C8orf34: variants seen among roughly 807,000 people sequenced by gnomAD.
C8orf34 encodes chromosome 8 open reading frame 34.
Under a neutral mutation model 68.3 loss-of-function variants are expected in C8orf34, and 65 were observed. The observed-to-expected ratio is 0.95, with a 90% CI of 0.78 to 1.17. The LOEUF is 1.17. C8orf34 is among the 50% of genes most tolerant of loss of function. The pLI, the probability that C8orf34 is intolerant of heterozygous loss-of-function variation, is 0.00. For missense variants in C8orf34, 664 were observed against 655.4 expected, an observed-to-expected ratio of 1.01 and a Z score of -0.14; for synonymous variants, 244 against 241.2, an observed-to-expected ratio of 1.01 and a Z score of -0.11.
At chr8:68,571,364 T>C (rs142529044) in intron 7 of C8orf34, among the ~76,000 whole-genome samples, 15 of 152,332 alleles carry the variant, frequency 9.8e-5, no homozygotes, top group African/African-American at 3.4e-4. Flanking sequence ...GAGAACTTTG[T>C]AGTCAAGGCA....
chr8:68,560,411 G>A (rs1267573144), intron 7 of C8orf34, among the ~76,000 whole-genome samples: 2 of 152,078 alleles, frequency 1.3e-5, no homozygotes, highest in African/African-American at 4.8e-5. Flanking sequence ...TCTAAAACCA[G>A]GACTTAAATT....
chr8:68,389,498 T>A (rs1008669485), intron 1 of C8orf34, among the ~76,000 whole-genome samples: 3 of 152,176 alleles, frequency 2.0e-5, no homozygotes, highest in African/African-American at 7.2e-5. Context: ...GGCATTGCGA[T>A]GATTACTTAT....
At chr8:68,803,857 C>T (rs1824404554) in intron 12 of C8orf34, among the ~76,000 whole-genome samples, 1 of 151,706 alleles carries the variant, frequency 6.6e-6, no homozygotes, top group Non-Finnish European at 1.5e-5. Context: ...TACTTTTTTG[C>T]ATATTACATT....
intron 10 of C8orf34, among the ~76,000 whole-genome samples, chr8:68,734,707 G>A (rs1263585822): frequency 6.6e-6 from 1 of 152,080 alleles, no homozygotes; most frequent in Non-Finnish European, 1.5e-5. Context: ...CCCTCCTTCT[G>A]CTTCCAGCCT....
intron 7 of C8orf34, among the ~76,000 whole-genome samples, chr8:68,637,600 T>G (rs992089816): frequency 6.6e-6 from 1 of 152,190 alleles, no homozygotes; most frequent in Admixed American, 6.5e-5. Context: ...GTTCATTAGT[T>G]GGGTTACACA....
chr8:68,522,092 T>C, intron 6 of C8orf34, 121 bp downstream of exon 6: 4 of 839,748 alleles, frequency 4.8e-6, no homozygotes, highest in Non-Finnish European at 5.4e-6. Flanking sequence ...AAAATTATGT[T>C]AGTCTATACA....
chr8:68,777,444 T>C (rs941738580), intron 11 of C8orf34, among the ~76,000 whole-genome samples: 4 of 152,252 alleles, frequency 2.6e-5, no homozygotes, highest in African/African-American at 4.8e-5. Context: ...TAAATGTACA[T>C]GTTGTACACA....
intron 7 of C8orf34, among the ~76,000 whole-genome samples, chr8:68,576,858 A>G (rs1188038421): frequency 6.6e-6 from 1 of 152,082 alleles, no homozygotes; most frequent in Admixed American, 6.6e-5. Context: ...GAATTTATTA[A>G]TATAAAATAG....
chr8:68,416,645 C>T (rs1354097696), intron 1 of C8orf34, among the ~76,000 whole-genome samples: 1 of 152,054 alleles, frequency 6.6e-6, no homozygotes, highest in Non-Finnish European at 1.5e-5. Flanking sequence ...GATTCTTCTG[C>T]TTCAGCCTCT....
At chr8:68,341,959 A>C (rs1330948381) in intron 1 of C8orf34, among the ~76,000 whole-genome samples, 2 of 152,214 alleles carry the variant, frequency 1.3e-5, no homozygotes, top group Non-Finnish European at 2.9e-5. Context: ...GTCAAACAAT[A>C]TGAGGTTTCA....
intron 8 of C8orf34, among the ~76,000 whole-genome samples, chr8:68,677,429 G>T (rs1201120982): frequency 6.6e-6 from 1 of 151,998 alleles, no homozygotes; most frequent in Non-Finnish European, 1.5e-5. Flanking sequence ...TGTGATATTG[G>T]CTCATTGCAA....
At chr8:68,496,468 G>T (rs1312801528) in intron 5 of C8orf34, among the ~76,000 whole-genome samples, 2 of 152,124 alleles carry the variant, frequency 1.3e-5, no homozygotes, top group African/African-American at 4.8e-5. Context: ...TTACTTAATT[G>T]CTATGTAATC....
At chr8:68,543,336 A>G (rs920897697) in intron 7 of C8orf34, among the ~76,000 whole-genome samples, 5 of 152,142 alleles carry the variant, frequency 3.3e-5, no homozygotes, top group Non-Finnish European at 5.9e-5. Context: ...TTATGAAAAG[A>G]TATTTAATGT....
chr8:68,452,226 T>A (rs979770245), intron 3 of C8orf34, among the ~76,000 whole-genome samples: 4 of 150,414 alleles, frequency 2.7e-5, no homozygotes, highest in African/African-American at 9.7e-5. Flanking sequence ...TGGATAATAA[T>A]TGATATTATA....
At chr8:68,494,332 A>T (rs1813432941) in intron 5 of C8orf34, among the ~76,000 whole-genome samples, 1 of 152,214 alleles carries the variant, frequency 6.6e-6, no homozygotes, top group Non-Finnish European at 1.5e-5. Context: ...AATCCGATTT[A>T]CAGAAACAGT....
chr8:68,616,502 T>G (rs144550857), intron 7 of C8orf34, among the ~76,000 whole-genome samples: 1 of 151,762 alleles, frequency 6.6e-6, no homozygotes, highest in Non-Finnish European at 1.5e-5. Context: ...TTTGTCCTCA[T>G]TGGTTTCAAA....
chr8:68,779,454 C>T (rs1056224095), intron 11 of C8orf34, among the ~76,000 whole-genome samples: 5 of 152,074 alleles, frequency 3.3e-5, no homozygotes, highest in Non-Finnish European at 7.4e-5. Flanking sequence ...CATGGGAGTG[C>T]GAACTTACTG....
intron 1 of C8orf34, among the ~76,000 whole-genome samples, chr8:68,344,453 G>A (rs1358933784): frequency 1.3e-5 from 2 of 152,112 alleles, no homozygotes; most frequent in African/African-American, 4.8e-5. Flanking sequence ...GATTCTTATT[G>A]TGATCAAAAT....
At position 68,590,551 on chromosome 8, in the gene C8orf34, G is replaced by A. The variant is rs749342453; in HGVS notation, c.1106-49825G>A. Among the ~76,000 whole-genome samples the A allele has an allele frequency of 2.1e-4, 32 of 152,078 alleles. 1 individual carries two copies. Among genetic ancestry groups the A allele is most frequent in the Non-Finnish European group, 7.4e-5 (5 of 68,010 alleles). The stretch of plus-strand genomic sequence containing the variant: ...GGAAAGGAGAAGAGAGTGGGTAGAC[G>A]AAAGAGTCCTAATTTTTATCCCCTG... On this transcript the variant is annotated intron_variant, in intron 7 of 13. Coordinates refer to ENST00000518698, the MANE Select transcript of C8orf34 (RefSeq NM_052958.4).
Sources: gnomAD v4.1 joint callset for allele counts (sites outside exome capture counted in the v4.1 genomes callset) on GRCh38, gnomAD v4.1.1 for gene constraint, MANE v1.5 for transcripts, NCBI Gene and HGNC (gene_info 2026-07-23, HGNC 2026-07-21) for gene names.